The following AEBP2 variants were observed in gnomAD, a reference collection of about 807,000 sequenced individuals.
AEBP2 encodes AE binding protein 2, also known as zinc finger protein AEBP2.
AEBP2 carries 10 observed loss-of-function variants against 50.8 expected under a neutral mutation model. The ratio of observed to expected loss-of-function variants is 0.20; its 90% CI spans 0.12 to 0.33. The LOEUF (loss-of-function observed/expected upper bound fraction) is 0.33. AEBP2 is among the 10% of genes least tolerant of loss of function. The probability of loss-of-function intolerance (pLI) is 1.00; values close to 1 mark genes in which losing one functional copy is unlikely to be tolerated. For synonymous variants in AEBP2, 296 were observed against 261.3 expected, an observed-to-expected ratio of 1.13 and a Z score of -1.28; for missense variants, 570 against 688.0, an observed-to-expected ratio of 0.83 and a Z score of 1.92.
chr12:19,488,649 A>G (rs905945207), intron 3 of AEBP2, among the ~76,000 whole-genome samples: 4 of 152,082 alleles, frequency 2.6e-5, no homozygotes, highest in Admixed American at 1.3e-4. Flanking sequence ...CTTCAGAAGG[A>G]CTTCTGGGAA....
intron 2 of AEBP2, among the ~76,000 whole-genome samples, chr12:19,468,502 T>G (rs936549268): frequency 6.6e-6 from 1 of 152,222 alleles, no homozygotes; most frequent in Non-Finnish European, 1.5e-5. Flanking sequence ...CAGATTAACA[T>G]TGCACTTTTT....
At chr12:19,496,744 C>T (rs980759334) in intron 4 of AEBP2, among the ~76,000 whole-genome samples, 2 of 151,304 alleles carry the variant, frequency 1.3e-5, no homozygotes, top group African/African-American at 4.9e-5. Flanking sequence ...TCACTGCAGC[C>T]TCGACCTCCT....
intron 1 of AEBP2, among the ~76,000 whole-genome samples, chr12:19,442,134 GC>G (rs1279816474): frequency 6.6e-6 from 1 of 152,144 alleles, no homozygotes; most frequent in Non-Finnish European, 1.5e-5. Context: ...GAGGCCGGGC[GC>G]GGTGGCTCAG....
In AEBP2 at chr12:19,470,345, C is replaced by T. The variant is rs1348837078; in HGVS notation, c.880-2903C>T. Among the ~76,000 whole-genome samples, 7 of 152,010 alleles carry T rather than the reference C, an allele frequency of 4.6e-5. No individual in the cohort carries two copies. In the South Asian group the frequency reaches 6.2e-4, roughly 13 times the overall value. On this transcript the variant is annotated intron_variant, in intron 2 of 7. Transcript: ENST00000266508. ...GCTAATTTTGTATTTTCAGTAGAGA[C>T]ATGGTTTCACCATGTTGGTCAGGCT...
chr12:19,518,774 C>T lies in AEBP2; in HGVS notation c.*657C>T. ...TCTATCGAATTAGGGCTGAAAATTA[C>T]TGTTAAAGAGTGTTGCAGTATGTCT... On this transcript the variant is annotated 3_prime_UTR_variant, in exon 8 of 8. Coordinates refer to ENST00000266508, the MANE Select transcript of AEBP2 (RefSeq NM_153207.5). The T allele has an allele frequency of 6.9e-7, 1 of 1,446,902 alleles. No individual in the cohort carries two copies. Among genetic ancestry groups the T allele is most frequent in the Non-Finnish European group, 9.4e-7 (1 of 1,068,986 alleles). The allele number at this position is 1,446,902 out of a possible 1,614,324, so 89.6% of individuals were successfully genotyped here. A position where few individuals can be genotyped will look rare whatever the true frequency, so the allele number is the denominator to read the frequency against.
At position 19,440,132 on chromosome 12, in the gene AEBP2, G is replaced by A. The variant is rs1012172849; in HGVS notation, c.433G>A (p.Ala145Thr). 3.3e-6 allele frequency: 5 copies of A among 1,505,630 alleles called. No homozygotes were observed. Among genetic ancestry groups the A allele is most frequent in the African/African-American group, 2.9e-5 (2 of 69,260 alleles). 93.3% of individuals were successfully genotyped at this position (1,505,630 alleles called of 1,614,324 possible). Residue 145 changes from alanine (A) to threonine (T), a missense_variant, in exon 1 of 8, where the codon GCC becomes ACC. Ala to Thr is a moderately conservative substitution (Grantham distance 58). Around this residue, in one of 2 missense-constraint regions of AEBP2, gnomAD observed 386 missense variants for 336.8 expected, o/e 1.15. Transcript: ENST00000266508. ...GACCCGCTCGTTGAGCCCCGGCGCCGCCAGCAGCAGCAGCGGGGATGGGGA... is the reference window on the plus strand; with the variant it reads ...GACCCGCTCGTTGAGCCCCGGCGCCACCAGCAGCAGCAGCGGGGATGGGGA... ...DETRSLSPGA[A>T]SSSSGDGDGK... is the part of the protein sequence containing the mutation.
chr12:19,458,538 G>T (rs928865410), intron 1 of AEBP2, among the ~76,000 whole-genome samples: 13 of 152,160 alleles, frequency 8.5e-5, no homozygotes, highest in Non-Finnish European at 4.4e-5. Flanking sequence ...TCCACATGAA[G>T]TATTGTTTCA....
chr12:19,434,997 T>TG (rs2095753435), upstream of AEBP2, among the ~76,000 whole-genome samples: 1 of 152,214 alleles, frequency 6.6e-6, no homozygotes, highest in South Asian at 2.1e-4. Context: ...CACTTTTTTT[T>TG]TCCCTTAATA....
At chr12:19,454,456 A>G (rs533041936) in intron 1 of AEBP2, among the ~76,000 whole-genome samples, 5 of 152,278 alleles carry the variant, frequency 3.3e-5, no homozygotes, top group Non-Finnish European at 5.9e-5. Context: ...AAGGTATACG[A>G]TTTGCAAGCA....
intron 2 of AEBP2, among the ~76,000 whole-genome samples, chr12:19,470,870 CCTT>C (rs1948561312): frequency 6.6e-6 from 1 of 152,134 alleles, no homozygotes; most frequent in South Asian, 2.1e-4. Context: ...TAAGGAGAAT[CCTT>C]CTGTCAAAAA....
At chr12:19,497,769 C>T (rs1015514147) in intron 4 of AEBP2, among the ~76,000 whole-genome samples, 2 of 152,164 alleles carry the variant, frequency 1.3e-5, no homozygotes, top group Non-Finnish European at 2.9e-5. Flanking sequence ...GCCGCTGTGT[C>T]CAGCACCAAA....
At chr12:19,484,662 C>G (rs530018640) in intron 3 of AEBP2, among the ~76,000 whole-genome samples, 2 of 152,006 alleles carry the variant, frequency 1.3e-5, no homozygotes, top group Non-Finnish European at 2.9e-5. Context: ...TGTGAGCCAC[C>G]GCGCCTGGCC....
At chr12:19,455,003 A>AT (rs778113628) in intron 1 of AEBP2, among the ~76,000 whole-genome samples, 3,086 of 144,804 alleles carry the variant, frequency 0.021, 27 homozygotes, top group Non-Finnish European at 0.029. Flanking sequence ...TGGTTCTCAG[A>AT]TTTTTTTTTT....
rs566130896 is a variant in AEBP2, at chr12:19,469,011, G to A, written c.880-4237G>A. 9.2e-5 allele frequency among the ~76,000 whole-genome samples: 14 copies of A among 152,210 alleles called. No homozygotes were observed. The East Asian group carries it at 2.1e-3, about 23-fold the overall frequency. The stretch of plus-strand genomic sequence containing the variant: ...GCCATCTCAGCTCACTGCAACTTTC[G>A]CCTCCCAGGTTCAAGCGATCCTCCT... On this transcript the variant is annotated intron_variant, in intron 2 of 7. Coordinates refer to ENST00000266508, the MANE Select transcript of AEBP2 (RefSeq NM_153207.5).
intron 2 of AEBP2, chr12:19,466,710 A>G: frequency 1.2e-6 from 1 of 801,200 alleles, no homozygotes; most frequent in Non-Finnish European, 1.5e-6. Context: ...TGGCCTAATT[A>G]TTTTTTTAGA....
chr12:19,442,241 A>G (rs1947974775), intron 1 of AEBP2, among the ~76,000 whole-genome samples: 1 of 152,142 alleles, frequency 6.6e-6, no homozygotes, highest in Non-Finnish European at 1.5e-5. Context: ...AACCTTATCT[A>G]CATTAAAAAT....
intron 3 of AEBP2, among the ~76,000 whole-genome samples, chr12:19,490,666 G>A (rs1003377156): frequency 6.6e-5 from 10 of 152,036 alleles, no homozygotes; most frequent in Non-Finnish European, 1.0e-4. Context: ...GGGTTTCACT[G>A]TGTTGGCCAG....
chr12:19,427,707 T>A (rs1479691335), intron 1 of AEBP2, among the ~76,000 whole-genome samples: 1 of 152,178 alleles, frequency 6.6e-6, no homozygotes, highest in Non-Finnish European at 1.5e-5. Flanking sequence ...TTATTTTTTT[T>A]AGAACACCTA....
rs200184930 is a variant in AEBP2 at position 19,465,400 on chromosome 12, AAAAT to A, written c.879+2691_879+2694del. On this transcript the variant is annotated intron_variant, in intron 2 of 7. Transcript: ENST00000266508. ...CAGAATGAGACTCTGTCTCAAAAAA[AAAAT>A]AAATAAAATAAAAAGAGTAATGTTA... 3.3e-5 allele frequency among the ~76,000 whole-genome samples: 5 copies of A among 151,814 alleles called. 1 individual carries two copies. In the South Asian group the frequency reaches 8.3e-4, roughly 25 times the overall value.
Sources: allele counts gnomAD v4.1 joint callset (sites outside exome capture counted in the v4.1 genomes callset), GRCh38; gene constraint gnomAD v4.1.1; regional missense constraint gnomAD v4.1.1; transcripts MANE v1.5; gene names NCBI Gene and HGNC (gene_info 2026-07-23, HGNC 2026-07-21).